SYT9: variants seen among roughly 807,000 people sequenced by gnomAD.
SYT9 encodes synaptotagmin-9.
Under a neutral mutation model 48.4 loss-of-function variants are expected in SYT9, and 22 were observed. The ratio of observed to expected loss-of-function variants is 0.45; its 90% confidence interval spans 0.32 to 0.65. SYT9 has a LOEUF of 0.65. SYT9 is among the 30% of genes least tolerant of loss of function. The pLI is 0.03. For missense variants in SYT9, 577 were observed against 622.0 expected (o/e 0.93, Z 0.77); for synonymous variants, 265 against 245.0 (o/e 1.08, Z -0.76).
intron 1 of SYT9, among the ~76,000 whole-genome samples, chr11:7,264,463 G>A (rs983559098): frequency 2.0e-5 from 3 of 151,854 alleles, no homozygotes; most frequent in Admixed American, 6.6e-5. Context: ...AAGAGTTGAG[G>A]GTATGTAGAA....
At chr11:7,432,204 G>A (rs185689668) in intron 6 of SYT9, among the ~76,000 whole-genome samples, 23 of 152,300 alleles carry the variant, frequency 1.5e-4, no homozygotes, top group Admixed American at 3.3e-4. Flanking sequence ...CTTTGCACCA[G>A]TGTGTCCTGG....
intron 3 of SYT9, among the ~76,000 whole-genome samples, chr11:7,348,733 G>C (rs565377432): frequency 1.1e-5 from 1 of 87,652 alleles, no homozygotes; most frequent in African/African-American, 3.7e-5. Context: ...TTCAAAGTGC[G>C]GATGGGTGGA....
chr11:7,387,802 C>T (rs1213047162), intron 3 of SYT9, among the ~76,000 whole-genome samples: 1 of 152,144 alleles, frequency 6.6e-6, no homozygotes, highest in Non-Finnish European at 1.5e-5. Context: ...TCTTTATTCT[C>T]TTATGGGCAG....
At chr11:7,383,195 A>G (rs188242707) in intron 3 of SYT9, among the ~76,000 whole-genome samples, 2 of 152,344 alleles carry the variant, frequency 1.3e-5, no homozygotes, top group East Asian at 3.9e-4. Flanking sequence ...GTGAAGATTA[A>G]GGACACTTGA....
intron 1 of SYT9, among the ~76,000 whole-genome samples, chr11:7,276,887 A>C (rs1370735128): frequency 1.3e-5 from 2 of 150,716 alleles, no homozygotes; most frequent in Non-Finnish European, 2.9e-5. Context: ...CTCTACTAAA[A>C]ATACGAAAAA....
At chr11:7,362,241 T>G (rs1195340155) in intron 3 of SYT9, among the ~76,000 whole-genome samples, 1 of 151,406 alleles carries the variant, frequency 6.6e-6, no homozygotes, top group Non-Finnish European at 1.5e-5. Flanking sequence ...ACCTCCTGGG[T>G]TCAAGTGATT....
chr11:7,369,261 C>T (rs1490464525), intron 3 of SYT9, among the ~76,000 whole-genome samples: 1 of 151,798 alleles, frequency 6.6e-6, no homozygotes, highest in South Asian at 2.1e-4. Flanking sequence ...TTATTGGCAG[C>T]ATAAATGTCT....
chr11:7,431,667 G>T (rs55930105), intron 6 of SYT9, among the ~76,000 whole-genome samples: 56,030 of 152,120 alleles, frequency 0.37, 10,521 homozygotes, highest in Middle Eastern at 0.47. Context: ...AGGGCCCCAC[G>T]GCCCTGTGCA....
intron 1 of SYT9, among the ~76,000 whole-genome samples, chr11:7,255,553 G>C (rs938262965): frequency 3.9e-5 from 6 of 152,148 alleles, no homozygotes; most frequent in South Asian, 4.1e-4. Context: ...CTTCAACAGG[G>C]ATAGTGGTAA....
chr11:7,316,981 C>A (rs571072131), intron 3 of SYT9, among the ~76,000 whole-genome samples: 2 of 152,314 alleles, frequency 1.3e-5, no homozygotes, highest in African/African-American at 4.8e-5. Context: ...TTCACATAGG[C>A]TTTTTAAGCA....
At chr11:7,266,666 C>A (rs1294594011) in intron 1 of SYT9, among the ~76,000 whole-genome samples, 1 of 152,060 alleles carries the variant, frequency 6.6e-6, no homozygotes, top group Admixed American at 6.6e-5. Flanking sequence ...CTTCCCAGTG[C>A]CTCAGTATGT....
chr11:7,405,579 C>G (rs1275700122), intron 3 of SYT9, among the ~76,000 whole-genome samples: 1 of 152,096 alleles, frequency 6.6e-6, no homozygotes, highest in Non-Finnish European at 1.5e-5. Context: ...GATTTAGCTC[C>G]CAGCATCTGG....
intron 3 of SYT9, among the ~76,000 whole-genome samples, chr11:7,348,688 CTTTTTTTTTTTTTTT>C (rs34752256): frequency 3.0e-4 from 14 of 47,114 alleles, no homozygotes; most frequent in Non-Finnish European, 4.7e-4. Flanking sequence ...ATCAGACCTC[CTTTTTTTTTTTTTTT>C]TTTTTTTTTT....
chr11:7,415,987 T>A lies in SYT9; in HGVS notation c.1045-55T>A. On this transcript the variant is annotated intron_variant, in intron 3 of 6. Transcript: ENST00000318881. Reference sequence around the variant, plus strand: ...TCAGTGTGGCCTGAAGCTGAGCCTCTTGCACACCAGGCTGGAGACACTTTC... The same window carrying A: ...TCAGTGTGGCCTGAAGCTGAGCCTCATGCACACCAGGCTGGAGACACTTTC... The A allele has an allele frequency of 1.9e-6, 3 of 1,611,646 alleles. No homozygotes were observed. In the South Asian group the frequency reaches 3.3e-5, roughly 18 times the overall value.
chr11:7,415,469 G>T (rs1261814510), intron 3 of SYT9, among the ~76,000 whole-genome samples: 1 of 152,046 alleles, frequency 6.6e-6, no homozygotes, highest in African/African-American at 2.4e-5. Context: ...ACACAGGGAG[G>T]ATATGGTCGC....
chr11:7,309,177 T>C (rs1466977093), intron 2 of SYT9, among the ~76,000 whole-genome samples: 2 of 152,160 alleles, frequency 1.3e-5, no homozygotes, highest in African/African-American at 4.8e-5. Context: ...GTTTCTTCCA[T>C]GAGAGGAAAA....
chr11:7,382,716 T>C (rs2134048072), intron 3 of SYT9, among the ~76,000 whole-genome samples: 1 of 152,340 alleles, frequency 6.6e-6, no homozygotes, highest in South Asian at 2.1e-4. Flanking sequence ...CATAATGTGA[T>C]GTTGTTATCT....
intron 1 of SYT9, among the ~76,000 whole-genome samples, chr11:7,245,344 A>C (rs1367114574): frequency 2.6e-5 from 4 of 152,204 alleles, no homozygotes; most frequent in Non-Finnish European, 5.9e-5. Flanking sequence ...AGTTATAATC[A>C]TTAATGTATA....
At chr11:7,345,835 A>G (rs78725471) in intron 3 of SYT9, among the ~76,000 whole-genome samples, 2,787 of 152,348 alleles carry the variant, frequency 0.018, 59 homozygotes, top group Admixed American at 0.059. Flanking sequence ...AAAGAGGAGG[A>G]CAGAGGTCCA....
Sources: gnomAD v4.1 joint callset for allele counts (sites outside exome capture counted in the v4.1 genomes callset) on GRCh38, gnomAD v4.1.1 for gene constraint, MANE v1.5 for transcripts, NCBI Gene and HGNC (gene_info 2026-07-23, HGNC 2026-07-21) for gene names.